CADM2: variants seen among roughly 807,000 people sequenced by gnomAD.
The protein encoded by CADM2 is immunoglobulin superfamily member 4D.
In CADM2, 12 loss-of-function variants were observed where a neutral mutation model predicts 49.8. That is an observed-to-expected ratio of 0.24 (90% CI 0.15 to 0.39). The LOEUF is 0.39. CADM2 is among the 10% of genes least tolerant of loss of function. The pLI is 1.00. For missense variants in CADM2, 378 were observed against 492.3 expected (o/e 0.77, Z 2.20); for synonymous variants, 214 against 175.4 (o/e 1.22, Z -1.74).
intron 6 of CADM2, among the ~76,000 whole-genome samples, chr3:85,913,343 G>T (rs1348887461): frequency 6.6e-6 from 1 of 152,052 alleles, no homozygotes; most frequent in Non-Finnish European, 1.5e-5. Context: ...AAGAATAGAG[G>T]ATAGGAGATA....
intron 1 of CADM2, among the ~76,000 whole-genome samples, chr3:85,680,126 C>T (rs1677025044): frequency 6.6e-6 from 1 of 151,844 alleles, no homozygotes; most frequent in African/African-American, 2.4e-5. Context: ...TAAAAGTATT[C>T]CATAAAGAAT....
intron 1 of CADM2, among the ~76,000 whole-genome samples, chr3:85,084,869 T>G (rs755331203): frequency 6.6e-6 from 1 of 152,106 alleles, no homozygotes; most frequent in Non-Finnish European, 1.5e-5. Flanking sequence ...TTCTGTTTAT[T>G]TTATAGATTC....
chr3:84,989,161 A>G (rs17734218), intron 1 of CADM2, among the ~76,000 whole-genome samples: 339 of 152,280 alleles, frequency 2.2e-3, no homozygotes, highest in Non-Finnish European at 3.3e-3. Context: ...CATCTGAAGT[A>G]TTTTGGAGCT....
At chr3:85,491,783 C>T (rs1028264170) in intron 1 of CADM2, among the ~76,000 whole-genome samples, 1 of 151,888 alleles carries the variant, frequency 6.6e-6, no homozygotes, top group Non-Finnish European at 1.5e-5. Flanking sequence ...AACCCCATCT[C>T]TACTAAAAAT....
intron 1 of CADM2, among the ~76,000 whole-genome samples, chr3:85,005,703 T>C (rs1041390765): frequency 6.6e-6 from 1 of 151,370 alleles, no homozygotes; most frequent in African/African-American, 2.4e-5. Flanking sequence ...AAAAAAAAAA[T>C]ACAGTTTTTT....
chr3:85,181,893 G>T (rs865777658), intron 1 of CADM2, among the ~76,000 whole-genome samples: 2 of 149,404 alleles, frequency 1.3e-5, no homozygotes, highest in Middle Eastern at 3.6e-3. Context: ...TAAAGATAAT[G>T]ATGGTGATAT....
In CADM2 at chr3:85,443,376, C is replaced by A. The variant is rs549243188; in HGVS notation, c.62-283146C>A. ...CAAACCAATACTTCAATTCAGTAAT[C>A]TTTGGAACAGCTATTGTATAACCTC... On this transcript the variant is annotated intron_variant, in intron 1 of 9. Transcript: ENST00000383699. 3.5e-4 allele frequency among the ~76,000 whole-genome samples: 54 copies of A among 152,226 alleles called. No individual in the cohort carries two copies. In the East Asian group the frequency reaches 8.9e-3, roughly 25 times the overall value.
intron 1 of CADM2, among the ~76,000 whole-genome samples, chr3:85,097,160 C>A (rs2037830669): frequency 6.6e-6 from 1 of 152,140 alleles, no homozygotes; most frequent in African/African-American, 2.4e-5. Flanking sequence ...TCCCCACACC[C>A]CACAACAGTC....
In CADM2 at chr3:85,528,581, T is replaced by C. The variant is rs1271626625; in HGVS notation, c.62-197941T>C. Among the ~76,000 whole-genome samples, 5 of 152,324 alleles carry C rather than the reference T, an allele frequency of 3.3e-5. No individual in the cohort carries two copies. The East Asian group carries it at 9.6e-4, about 29-fold the overall frequency. ...AGCATAACCCTCTTCTAACCATAGC[T>C]ACACTGATAAGTCTGGCATGTAATA... On this transcript the variant is annotated intron_variant, in intron 1 of 9. Transcript: ENST00000383699.
chr3:85,695,107 G>T (rs972451023), intron 1 of CADM2, among the ~76,000 whole-genome samples: 3 of 151,914 alleles, frequency 2.0e-5, no homozygotes, highest in African/African-American at 7.3e-5. Flanking sequence ...CCACTCCCAA[G>T]AATGTTAAAA....
chr3:85,167,575 T>A (rs1179638684), intron 1 of CADM2, among the ~76,000 whole-genome samples: 1 of 152,030 alleles, frequency 6.6e-6, no homozygotes, highest in Non-Finnish European at 1.5e-5. Flanking sequence ...AACTAGGAGG[T>A]GTGAAGAACT....
intron 1 of CADM2, among the ~76,000 whole-genome samples, chr3:85,021,495 C>A (rs1408659532): frequency 6.6e-6 from 1 of 152,046 alleles, no homozygotes; most frequent in African/African-American, 2.4e-5. Context: ...AATACGCAGG[C>A]CGAGTGCAGT....
chr3:85,568,423 CTT>C (rs1449873784), intron 1 of CADM2, among the ~76,000 whole-genome samples: 6 of 29,452 alleles, frequency 2.0e-4, no homozygotes, highest in Admixed American at 9.8e-4. Flanking sequence ...TTCTTTCTTT[CTT>C]TCTTTCTTTC....
intron 1 of CADM2, among the ~76,000 whole-genome samples, chr3:85,132,628 A>T (rs200071121): frequency 0.031 from 4,605 of 146,664 alleles, 98 homozygotes; most frequent in East Asian, 0.048. Context: ...AGGATATATT[A>T]TATATATATA....
chr3:85,944,606 G>C (rs956900693), intron 7 of CADM2, among the ~76,000 whole-genome samples: 1 of 152,020 alleles, frequency 6.6e-6, no homozygotes, highest in Non-Finnish European at 1.5e-5. Context: ...CTAGAACTCA[G>C]GATTAAGAAA....
At chr3:85,080,034 GA>G (rs959403590) in intron 1 of CADM2, among the ~76,000 whole-genome samples, 2 of 151,630 alleles carry the variant, frequency 1.3e-5, no homozygotes, top group African/African-American at 2.4e-5. Context: ...GAAGTGTCAA[GA>G]AAAAAAACTT....
At chr3:85,160,650 T>A (rs1353508606) in intron 1 of CADM2, among the ~76,000 whole-genome samples, 1 of 152,214 alleles carries the variant, frequency 6.6e-6, no homozygotes, top group East Asian at 1.9e-4. Flanking sequence ...AGATCAAATT[T>A]AAAAACATTA....
chr3:85,702,630 G>A (rs536796989), intron 1 of CADM2, among the ~76,000 whole-genome samples: 2 of 152,186 alleles, frequency 1.3e-5, no homozygotes, highest in South Asian at 4.1e-4. Flanking sequence ...TCAATGATTT[G>A]TATATCTGAA....
chr3:85,670,408 C>T (rs1378294329), intron 1 of CADM2, among the ~76,000 whole-genome samples: 1 of 151,984 alleles, frequency 6.6e-6, no homozygotes, highest in Non-Finnish European at 1.5e-5. Context: ...CCAAACCTAA[C>T]CCTCATTTTA....
Sources: allele counts gnomAD v4.1 joint callset (sites outside exome capture counted in the v4.1 genomes callset), GRCh38; gene constraint gnomAD v4.1.1; transcripts MANE v1.5; gene names NCBI Gene and HGNC (gene_info 2026-07-23, HGNC 2026-07-21).